The following CDIN1 variants were observed in gnomAD, a reference collection of about 807,000 sequenced individuals.
CDIN1 encodes the protein CDAN1-interacting nuclease 1.
CDIN1 carries 33 observed loss-of-function variants against 45.3 expected under a neutral mutation model. That is an observed-to-expected ratio of 0.73 (90% CI 0.55 to 0.97). The LOEUF (loss-of-function observed/expected upper bound fraction) is 0.97. Among genes scored for constraint, CDIN1 ranks in the 50% least tolerant of loss-of-function variants. CDIN1 has a pLI of 0.00. For synonymous variants in CDIN1, 118 were observed against 124.4 expected (o/e 0.95, Z 0.34); for missense variants, 303 against 339.4 (o/e 0.89, Z 0.84).
intron 1 of CDIN1, chr15:36,619,030 G>GT: frequency 7.2e-7 from 1 of 1,393,956 alleles, no homozygotes; most frequent in South Asian, 1.3e-5. Context: ...CTCCAATGTA[G>GT]TGTCTCCCAC....
intron 10 of CDIN1, chr15:36,790,294 C>T (rs955477728): frequency 6.6e-6 from 1 of 152,228 alleles, no homozygotes; most frequent in Admixed American, 6.5e-5. Context: ...ACTCTAAATG[C>T]ACCTTTTCCA....
chr15:36,747,329 G>A (rs890738917), intron 10 of CDIN1: 8 of 210,934 alleles, frequency 3.8e-5, no homozygotes, highest in Non-Finnish European at 7.4e-5. Context: ...TTTATTTGCA[G>A]CTGCAAGGGC....
At chr15:36,592,988 G>A (rs2037652205) in intron 1 of CDIN1, among the ~76,000 whole-genome samples, 2 of 152,110 alleles carry the variant, frequency 1.3e-5, no homozygotes, top group Admixed American at 6.5e-5. Flanking sequence ...TAAAAACAGA[G>A]GGAAGATACC....
chr15:36,787,764 GAA>G (rs2141074243), intron 10 of CDIN1, among the ~76,000 whole-genome samples: 1 of 151,874 alleles, frequency 6.6e-6, no homozygotes, highest in South Asian at 2.1e-4. Context: ...CTGTTTGTTT[GAA>G]AAATGTCCTT....
At chr15:36,612,641 G>A (rs2038702597) in intron 1 of CDIN1, among the ~76,000 whole-genome samples, 1 of 152,166 alleles carries the variant, frequency 6.6e-6, no homozygotes, top group South Asian at 2.1e-4. Flanking sequence ...AGCTTGGCAT[G>A]TTATGATGCT....
At chr15:36,771,697 A>G (rs2054082091) in intron 10 of CDIN1, among the ~76,000 whole-genome samples, 1 of 152,190 alleles carries the variant, frequency 6.6e-6, no homozygotes, top group African/African-American at 2.4e-5. Context: ...TGGGAGGCCA[A>G]AGCAGGCAAA....
At chr15:36,784,319 C>T (rs2054432602) in intron 10 of CDIN1, among the ~76,000 whole-genome samples, 1 of 152,092 alleles carries the variant, frequency 6.6e-6, no homozygotes, top group African/African-American at 2.4e-5. Flanking sequence ...CACTGGTAGC[C>T]GTGTAAGTGG....
intron 10 of CDIN1, among the ~76,000 whole-genome samples, chr15:36,737,310 T>G (rs2044065914): frequency 6.6e-6 from 1 of 152,220 alleles, no homozygotes; most frequent in South Asian, 2.1e-4. Context: ...AAGTGATTCA[T>G]CTAGAATCTA....
chr15:36,782,577 C>T (rs1326432518), intron 10 of CDIN1, among the ~76,000 whole-genome samples: 2 of 152,252 alleles, frequency 1.3e-5, no homozygotes, highest in Admixed American at 6.5e-5. Flanking sequence ...AAAGAGCTTA[C>T]GAGCAAGCGC....
intron 10 of CDIN1, among the ~76,000 whole-genome samples, chr15:36,807,405 C>T (rs1420122381): frequency 6.6e-6 from 1 of 152,166 alleles, no homozygotes; most frequent in Non-Finnish European, 1.5e-5. Context: ...AAAAGTAGTG[C>T]TGCCCTTTAA....
At chr15:36,616,277 T>C (rs2038881816) in intron 1 of CDIN1, among the ~76,000 whole-genome samples, 1 of 147,338 alleles carries the variant, frequency 6.8e-6, no homozygotes, top group African/African-American at 2.4e-5. Context: ...TACATTTTTC[T>C]TTTTCTTTCA....
rs528201869 is a variant in CDIN1, at chr15:36,662,591, T to A, written c.346+4686T>A. On this transcript the variant is annotated intron_variant, in intron 5 of 10. Transcript: ENST00000566621. ...GCATCCAGTAGGTGTTTAGATCTGA[T>A]TAGACTTTGAGTGGTCCCTTTCTAA... Among the ~76,000 whole-genome samples the A allele has an allele frequency of 5.3e-5, 8 of 152,248 alleles. No individual in the cohort carries two copies. In the East Asian group the frequency reaches 1.4e-3, roughly 26 times the overall value.
intron 5 of CDIN1, among the ~76,000 whole-genome samples, chr15:36,686,729 A>G (rs1452833189): frequency 6.6e-6 from 1 of 150,938 alleles, no homozygotes; most frequent in African/African-American, 2.4e-5. Context: ...AAAAAATACA[A>G]GAAAGAAAGA....
intron 1 of CDIN1, among the ~76,000 whole-genome samples, chr15:36,638,325 G>T (rs934368092): frequency 1.3e-5 from 2 of 152,248 alleles, no homozygotes; most frequent in Non-Finnish European, 1.5e-5. Flanking sequence ...TGAATTTTAC[G>T]CAGAAGATGC....
intron 10 of CDIN1, among the ~76,000 whole-genome samples, chr15:36,753,580 G>T (rs1006121346): frequency 6.7e-6 from 1 of 148,860 alleles, no homozygotes; most frequent in Non-Finnish European, 1.5e-5. Flanking sequence ...TATTTGCATA[G>T]ACAAAATGGA....
intron 1 of CDIN1, 149 bp downstream of exon 1, chr15:36,580,110 G>T (rs947680515): frequency 2.1e-5 from 14 of 676,760 alleles, no homozygotes; most frequent in African/African-American, 1.5e-4. Flanking sequence ...GCGAAAAAAG[G>T]TTTATTCTTT....
chr15:36,646,089 A>G (rs1397010455), intron 3 of CDIN1, among the ~76,000 whole-genome samples: 1 of 152,186 alleles, frequency 6.6e-6, no homozygotes, highest in Non-Finnish European at 1.5e-5. Context: ...TCAGGGGCAC[A>G]TTGGCAATGA....
intron 1 of CDIN1, among the ~76,000 whole-genome samples, chr15:36,630,538 G>C (rs924136704): frequency 6.6e-6 from 1 of 152,150 alleles, no homozygotes; most frequent in Non-Finnish European, 1.5e-5. Flanking sequence ...CCCTATTGGT[G>C]CTCCCTTGAC....
At chr15:36,598,033 C>T (rs2037918601) in intron 1 of CDIN1, among the ~76,000 whole-genome samples, 1 of 152,184 alleles carries the variant, frequency 6.6e-6, no homozygotes, top group South Asian at 2.1e-4. Context: ...CTCTGTTGCC[C>T]AGGCTGGAAT....
Sources: allele counts gnomAD v4.1 joint callset (sites outside exome capture counted in the v4.1 genomes callset), GRCh38; gene constraint gnomAD v4.1.1; transcripts MANE v1.5; gene names NCBI Gene and HGNC (gene_info 2026-07-23, HGNC 2026-07-21).